Variants in CTNNA3 observed in about 807,000 individuals in gnomAD.
The protein encoded by CTNNA3 is catenin alpha 3.
A neutral mutation model predicts 95.7 loss-of-function variants in CTNNA3; 76 were observed. The ratio of observed to expected loss-of-function variants is 0.79; its 90% CI spans 0.66 to 0.96. CTNNA3 has a LOEUF of 0.96. CTNNA3 is among the 40% of genes least tolerant of loss of function. CTNNA3 has a pLI of 0.00. For synonymous variants in CTNNA3, 431 were observed against 374.4 expected (o/e 1.15, Z -1.74); for missense variants, 1,191 against 1,089.8 (o/e 1.09, Z -1.31).
chr10:66,740,272 T>C (rs1849284295), intron 9 of CTNNA3, among the ~76,000 whole-genome samples: 1 of 152,176 alleles, frequency 6.6e-6, no homozygotes, highest in Non-Finnish European at 1.5e-5. Flanking sequence ...GAAATTAGGC[T>C]GGGGCTATTG....
chr10:66,714,634 C>T (rs1331705113), intron 9 of CTNNA3, among the ~76,000 whole-genome samples: 1 of 152,076 alleles, frequency 6.6e-6, no homozygotes, highest in Admixed American at 6.6e-5. Context: ...GTATGGTTCC[C>T]GTATCAGCAG....
intron 5 of CTNNA3, among the ~76,000 whole-genome samples, chr10:67,397,053 C>T (rs1305810721): frequency 6.6e-6 from 1 of 152,056 alleles, no homozygotes; most frequent in Non-Finnish European, 1.5e-5. Context: ...TGGACTAATA[C>T]AGTATATTGG....
intron 9 of CTNNA3, among the ~76,000 whole-genome samples, chr10:66,661,752 C>T (rs1389415402): frequency 2.6e-5 from 4 of 152,122 alleles, no homozygotes; most frequent in African/African-American, 9.7e-5. Context: ...TTGATGCAGG[C>T]TTTATCACCG....
chr10:65,950,982 AG>A lies in CTNNA3; in HGVS notation c.2400+15629del, dbSNP rs1474701427. On this transcript the variant is annotated intron_variant, in intron 17 of 17. Coordinates refer to ENST00000433211, the MANE Select transcript of CTNNA3 (RefSeq NM_013266.4). The stretch of plus-strand genomic sequence containing the variant: ...ACAAAACAGATCACTGCCATTTGTG[AG>A]AGAGATACCACAGCAGTCTCAGTAA... Among the ~76,000 whole-genome samples, 5 of 152,114 alleles carry A rather than the reference AG, an allele frequency of 3.3e-5. 1 individual carries two copies. The East Asian group carries it at 9.7e-4, about 29-fold the overall frequency.
chr10:67,114,515 TTTA>T (rs1452739714), intron 7 of CTNNA3, among the ~76,000 whole-genome samples: 2 of 152,156 alleles, frequency 1.3e-5, no homozygotes, highest in Non-Finnish European at 2.9e-5. Flanking sequence ...GTAGATTTTT[TTTA>T]TTGTTTTTCC....
intron 7 of CTNNA3, among the ~76,000 whole-genome samples, chr10:66,799,674 A>C (rs2132229618): frequency 6.6e-6 from 1 of 151,428 alleles, no homozygotes; most frequent in Non-Finnish European, 1.5e-5. Context: ...GAGTGTAGAG[A>C]AAATGAAACT....
intron 7 of CTNNA3, among the ~76,000 whole-genome samples, chr10:66,810,807 A>G (rs1841846302): frequency 6.6e-6 from 1 of 152,042 alleles, no homozygotes; most frequent in Non-Finnish European, 1.5e-5. Context: ...CCTCCTGCCT[A>G]TGTGTTTCTC....
At chr10:66,463,015 TA>T (rs536159604) in intron 11 of CTNNA3, among the ~76,000 whole-genome samples, 1 of 152,352 alleles carries the variant, frequency 6.6e-6, no homozygotes, top group African/African-American at 2.4e-5. Context: ...ATTAAATTGA[TA>T]TTTCCTATCA....
chr10:66,048,577 G>A (rs1010456494), intron 15 of CTNNA3, among the ~76,000 whole-genome samples: 4 of 152,060 alleles, frequency 2.6e-5, no homozygotes, highest in Admixed American at 6.6e-5. Context: ...TGGCTAACAC[G>A]GCGAAACCCC....
intron 7 of CTNNA3, among the ~76,000 whole-genome samples, chr10:67,026,169 T>G (rs1222940386): frequency 6.7e-6 from 1 of 150,310 alleles, no homozygotes; most frequent in Non-Finnish European, 1.5e-5. Flanking sequence ...AATGACGAGT[T>G]AATGGGTGCA....
At chr10:67,361,913 C>A (rs976571221) in intron 5 of CTNNA3, among the ~76,000 whole-genome samples, 3 of 151,770 alleles carry the variant, frequency 2.0e-5, no homozygotes, top group Admixed American at 2.0e-4. Flanking sequence ...CCAATAAACA[C>A]AATAAAAAAA....
intron 9 of CTNNA3, among the ~76,000 whole-genome samples, chr10:66,685,315 G>A (rs1314183964): frequency 0.047 from 1,356 of 28,854 alleles, 68 homozygotes; most frequent in African/African-American, 0.17. Flanking sequence ...ATATGTGTGT[G>A]TGTATGTGTG....
intron 7 of CTNNA3, among the ~76,000 whole-genome samples, chr10:66,867,705 A>G (rs749279496): frequency 2.0e-5 from 3 of 152,270 alleles, no homozygotes; most frequent in East Asian, 1.9e-4. Context: ...AACAAAAAGC[A>G]AGTATCAATG....
intron 7 of CTNNA3, among the ~76,000 whole-genome samples, chr10:67,095,625 G>T (rs1028975372): frequency 2.0e-5 from 3 of 151,760 alleles, no homozygotes; most frequent in African/African-American, 7.3e-5. Flanking sequence ...CATCACCATA[G>T]AAATTACAAA....
At position 66,489,583 on chromosome 10, in the gene CTNNA3, T is replaced by C. The variant is rs118082993; in HGVS notation, c.1531+31034A>G. On this transcript the variant is annotated intron_variant, in intron 11 of 17. Coordinates refer to ENST00000433211, the MANE Select transcript of CTNNA3 (RefSeq NM_013266.4). ...ACTTGCGCATGCACACACACACTTG[T>C]GCATGCACACACACACGTGCACACA... Among the ~76,000 whole-genome samples the C allele has an allele frequency of 4.4e-3, 662 of 152,144 alleles. 3 individuals are homozygous for C. The highest frequency in any genetic ancestry group is 0.024 in the Middle Eastern group (7 of 288).
intron 13 of CTNNA3, among the ~76,000 whole-genome samples, chr10:66,274,175 C>T (rs1360859787): frequency 6.6e-6 from 1 of 152,104 alleles, no homozygotes. Context: ...ACTCCTCAAC[C>T]TTGCCATTGT....
At chr10:66,475,951 A>T (rs1467622295) in intron 11 of CTNNA3, among the ~76,000 whole-genome samples, 2 of 152,250 alleles carry the variant, frequency 1.3e-5, no homozygotes, top group East Asian at 3.9e-4. Context: ...CAGAAAAGAC[A>T]TGGAATCAAC....
At chr10:67,171,957 C>A (rs1242562131) in intron 7 of CTNNA3, among the ~76,000 whole-genome samples, 1 of 152,110 alleles carries the variant, frequency 6.6e-6, no homozygotes, top group Non-Finnish European at 1.5e-5. Flanking sequence ...AACACATTTG[C>A]AAACTAATGG....
At chr10:66,708,555 A>C (rs1432545324) in intron 9 of CTNNA3, among the ~76,000 whole-genome samples, 1 of 150,394 alleles carries the variant, frequency 6.6e-6, no homozygotes, top group Non-Finnish European at 1.5e-5. Context: ...CTCTCATTCC[A>C]AGGAAGGTGC....
Sources: gnomAD v4.1 joint callset for allele counts (sites outside exome capture counted in the v4.1 genomes callset) on GRCh38, gnomAD v4.1.1 for gene constraint, MANE v1.5 for transcripts, NCBI Gene and HGNC (gene_info 2026-07-23, HGNC 2026-07-21) for gene names.